Variants in PPP1CC observed in about 807,000 individuals in gnomAD.
PPP1CC encodes serine/threonine-protein phosphatase PP1-gamma catalytic subunit.
A neutral mutation model predicts 38.4 loss-of-function variants in PPP1CC; 16 were observed. The ratio of observed to expected loss-of-function variants is 0.42; its 90% CI spans 0.28 to 0.63. The LOEUF (loss-of-function observed/expected upper bound fraction) is 0.63, where lower values mean the gene tolerates loss of function less well. Ranked by LOEUF, PPP1CC falls within the 30% of genes least tolerant of loss-of-function variation. The pLI is 0.25. For synonymous variants in PPP1CC, 158 were observed against 136.0 expected, an observed-to-expected ratio of 1.16 and a Z score of -1.13; for missense variants, 170 against 391.3, an observed-to-expected ratio of 0.43 and a Z score of 4.77.
At chr12:110,719,511 C>A (rs1388370487), downstream of PPP1CC, among the ~76,000 whole-genome samples, 1 of 152,214 alleles carries the variant, frequency 6.6e-6, no homozygotes, top group East Asian at 1.9e-4. Context: ...TCCATATAAA[C>A]CAGGGAAGGG....
intron 3 of PPP1CC, among the ~76,000 whole-genome samples, chr12:110,729,637 T>C (rs534326407): frequency 4.3e-4 from 66 of 152,368 alleles, no homozygotes; most frequent in South Asian, 1.9e-3. Flanking sequence ...AGGAAAGTTA[T>C]TGCCATTCTT....
Position 110,722,726 on chromosome 12 carries a change from A to G in PPP1CC, c.524-31T>C. On this transcript the variant is annotated intron_variant, in intron 4 of 6. Transcript: ENST00000335007. This position sits in a 1 kb window ranked among gnomAD's most constrained non-coding sequence, Gnocchi z 5.4. Reference sequence around the variant, plus strand: ...CAATGAGGAAAAAAAAAAAATGAAGAAAGCAGAACTTTTAAAAGGATACTA... The same window carrying G: ...CAATGAGGAAAAAAAAAAAATGAAGGAAGCAGAACTTTTAAAAGGATACTA... The G allele has an allele frequency of 6.5e-7, 1 of 1,544,736 alleles. No homozygotes were observed.
intron 3 of PPP1CC, among the ~76,000 whole-genome samples, chr12:110,729,709 G>A (rs893466609): frequency 1.6e-4 from 25 of 152,136 alleles, no homozygotes; most frequent in African/African-American, 4.6e-4. Context: ...AATTATTTAC[G>A]TATTGCAAGA....
intron 1 of PPP1CC, among the ~76,000 whole-genome samples, chr12:110,733,395 A>G (rs1405698655): frequency 6.6e-6 from 1 of 152,234 alleles, no homozygotes; most frequent in Non-Finnish European, 1.5e-5. Flanking sequence ...TAAATAGCTC[A>G]TACCATATAA....
At chr12:110,740,353 A>G (rs1384080284) in intron 1 of PPP1CC, among the ~76,000 whole-genome samples, 1 of 152,178 alleles carries the variant, frequency 6.6e-6, no homozygotes, top group Non-Finnish European at 1.5e-5. Flanking sequence ...GGGGAGGACG[A>G]GGTGCGAGGA....
At chr12:110,708,864 A>AAAG in the PPP1CC span, among the ~76,000 whole-genome samples, 1 of 150,362 alleles carries the variant, frequency 6.7e-6, no homozygotes, top group African/African-American at 2.5e-5. Context: ...AAAAAAAAAA[A>AAAG]AAAAGAAAAG....
At chr12:110,736,815 A>AG (rs904995138) in intron 1 of PPP1CC, among the ~76,000 whole-genome samples, 3 of 152,184 alleles carry the variant, frequency 2.0e-5, no homozygotes, top group African/African-American at 7.2e-5. Context: ...ATAAAAAAGT[A>AG]TTTTCCTTGC....
downstream of PPP1CC, among the ~76,000 whole-genome samples, chr12:110,717,360 T>G (rs2069695234): frequency 1.3e-5 from 2 of 152,178 alleles, no homozygotes; most frequent in Admixed American, 6.5e-5. Context: ...GTTTTGGGTC[T>G]TTTCCTCAAG....
chr12:110,730,370 A>G (rs182831392), intron 3 of PPP1CC, among the ~76,000 whole-genome samples, 159 bp downstream of exon 3: 2 of 152,270 alleles, frequency 1.3e-5, no homozygotes, highest in East Asian at 3.9e-4. Flanking sequence ...CCACCCCCCT[A>G]AAAAAGCTAA....
chr12:110,722,995 A>G lies in PPP1CC; in HGVS notation c.524-300T>C, dbSNP rs2069756866. 1.3e-5 allele frequency among the ~76,000 whole-genome samples: 2 copies of G among 152,240 alleles called. No homozygotes were observed. The highest frequency in any genetic ancestry group is 6.5e-5 in the Admixed American group (1 of 15,288). On this transcript the variant is annotated intron_variant, in intron 4 of 6. Coordinates refer to ENST00000335007, the MANE Select transcript of PPP1CC (RefSeq NM_002710.4). The surrounding 1 kb of genome is among the most constrained non-coding windows in gnomAD (Gnocchi z 5.4). ...ATCCAGTGATTTAAAAAACTCTTCT[A>G]TGGGCTTCCCCCAGTTGATGACAAT...
chr12:110,709,034 T>A, the PPP1CC span, among the ~76,000 whole-genome samples: 1 of 151,704 alleles, frequency 6.6e-6, no homozygotes, highest in African/African-American at 2.4e-5. Context: ...AATGGGCAAC[T>A]CTGTCAAAAA....
At chr12:110,731,568 T>A (rs556486625) in intron 2 of PPP1CC, among the ~76,000 whole-genome samples, 38 of 152,302 alleles carry the variant, frequency 2.5e-4, no homozygotes, top group Middle Eastern at 3.4e-3. Flanking sequence ...AATATTTTTT[T>A]TAAAAATCTG....
chr12:110,717,411 T>C (rs749120055), downstream of PPP1CC, among the ~76,000 whole-genome samples: 1 of 151,932 alleles, frequency 6.6e-6, no homozygotes, highest in Non-Finnish European at 1.5e-5. Flanking sequence ...CCACTTTGTT[T>C]GTTTAAGAGT....
At chr12:110,721,199 A>G (rs751663605) in intron 6 of PPP1CC, 34 bp from the exon 7 acceptor site, 2 of 1,560,608 alleles carry the variant, frequency 1.3e-6, no homozygotes, top group Non-Finnish European at 1.8e-6. Flanking sequence ...TTTAGGAAAT[A>G]TACTCAACCC....
At position 110,722,794 on chromosome 12, in the gene PPP1CC, C is replaced by A. The variant is rs903596249; in HGVS notation, c.524-99G>T. On this transcript the variant is annotated intron_variant, in intron 4 of 6. Transcript: ENST00000335007. The surrounding 1 kb of genome is among the most constrained non-coding windows in gnomAD (Gnocchi z 5.4). ...TTTGTCTACAGAGAAATTCAATAATCCTGACATAAAAACTGAAATCTATGA... is the reference window on the plus strand; with the variant it reads ...TTTGTCTACAGAGAAATTCAATAATACTGACATAAAAACTGAAATCTATGA... 1 of 903,984 alleles carries A rather than the reference C, an allele frequency of 1.1e-6. No homozygotes were observed. The highest frequency in any genetic ancestry group is 1.7e-5 in the African/African-American group (1 of 59,314). The allele number at this position is 903,984 out of a possible 1,614,324, so 56.0% of individuals were successfully genotyped here. A position where few individuals can be genotyped will look rare whatever the true frequency, so the allele number is the denominator to read the frequency against.
chr12:110,736,567 C>T (rs1447603475), intron 1 of PPP1CC, among the ~76,000 whole-genome samples: 1 of 152,076 alleles, frequency 6.6e-6, no homozygotes, highest in Admixed American at 6.6e-5. Flanking sequence ...TCACTTGAGC[C>T]CGGGAGACAG....
downstream of PPP1CC, among the ~76,000 whole-genome samples, chr12:110,718,803 C>T (rs1046646731): frequency 2.0e-5 from 3 of 152,172 alleles, no homozygotes; most frequent in Non-Finnish European, 4.4e-5. Context: ...TGGGTTATCA[C>T]ACACATCTCA....
chr12:110,720,056 G>C lies in PPP1CC; in HGVS notation c.*1020C>G. ...TTCTGTATAAACTGGTGGACAGTAA[G>C]TTAGTTCCTTTGTTTTAACTTATAA... On this transcript the variant is annotated 3_prime_UTR_variant, in exon 7 of 7. Coordinates refer to ENST00000335007, the MANE Select transcript of PPP1CC (RefSeq NM_002710.4). 1.5e-6 allele frequency: 2 copies of C among 1,292,370 alleles called. No individual in the cohort carries two copies. Among genetic ancestry groups the C allele is most frequent in the Non-Finnish European group, 2.1e-6 (2 of 934,108 alleles). The allele number at this position is 1,292,370 out of a possible 1,614,324, so 80.1% of individuals were successfully genotyped here. A position where few individuals can be genotyped will look rare whatever the true frequency, so the allele number is the denominator to read the frequency against.
chr12:110,730,809 C>A, intron 2 of PPP1CC, 50 bp from the exon 3 acceptor site: 1 of 1,235,966 alleles, frequency 8.1e-7, no homozygotes, highest in Non-Finnish European at 1.1e-6. Context: ...AAAGCTCAAT[C>A]CACTAACAAA....
Sources: allele counts gnomAD v4.1 joint callset (sites outside exome capture counted in the v4.1 genomes callset), GRCh38; gene constraint gnomAD v4.1.1; non-coding constraint Gnocchi (gnomAD v3.1); transcripts MANE v1.5; gene names NCBI Gene and HGNC (gene_info 2026-07-23, HGNC 2026-07-21).